The following TENM3 variants were observed in gnomAD, a reference collection of about 807,000 sequenced individuals.
The protein encoded by TENM3 is teneurin-3.
TENM3 carries 63 observed loss-of-function variants against 255.1 expected under a neutral mutation model. The observed-to-expected ratio is 0.25, with a 90% CI of 0.20 to 0.30. The LOEUF is 0.30. Ranked by LOEUF, TENM3 falls within the 10% of genes least tolerant of loss-of-function variation. TENM3 has a pLI of 1.00. For missense variants in TENM3, 2,929 were observed against 3,461.1 expected (o/e 0.85, Z 3.86); for synonymous variants, 1,306 against 1,322.3 (o/e 0.99, Z 0.27).
chr4:181,545,407 G>A, the TENM3 span, among the ~76,000 whole-genome samples: 1 of 152,070 alleles, frequency 6.6e-6, no homozygotes, highest in Admixed American at 6.6e-5. Flanking sequence ...CCTCAAGTTG[G>A]GGTTCCATCA....
chr4:182,452,543 G>A (rs1453147094), intron 3 of TENM3, among the ~76,000 whole-genome samples: 1 of 152,112 alleles, frequency 6.6e-6, no homozygotes, highest in African/African-American at 2.4e-5. Context: ...AGGAGCAGGC[G>A]GGTTCCCAAA....
the TENM3 span, among the ~76,000 whole-genome samples, chr4:181,635,312 A>G: frequency 6.6e-6 from 1 of 152,224 alleles, no homozygotes; most frequent in Admixed American, 6.5e-5. Flanking sequence ...CTCTGCAGTG[A>G]AAATAAACAC....
chr4:182,243,946 C>CTTTTTTTTTTTT (rs967487689), intron 1 of TENM3, among the ~76,000 whole-genome samples: 94 of 72,898 alleles, frequency 1.3e-3, no homozygotes, highest in Non-Finnish European at 1.6e-3. Flanking sequence ...TTTGTGTTTT[C>CTTTTTTTTTTTT]TTTTTTTTTT....
chr4:181,843,620 A>G, the TENM3 span, among the ~76,000 whole-genome samples: 1 of 151,770 alleles, frequency 6.6e-6, no homozygotes, highest in Non-Finnish European at 1.5e-5. Flanking sequence ...AGAACACCGG[A>G]GACTGGGTAG....
At chr4:182,763,835 G>GTTA (rs568982781) in intron 22 of TENM3, among the ~76,000 whole-genome samples, 296 of 152,276 alleles carry the variant, frequency 1.9e-3, no homozygotes, top group African/African-American at 6.8e-3. Flanking sequence ...TTATGCAGTG[G>GTTA]TTATTTATAA....
chr4:182,094,871 T>C, the TENM3 span, among the ~76,000 whole-genome samples: 2 of 144,420 alleles, frequency 1.4e-5, no homozygotes, highest in Non-Finnish European at 3.0e-5. Context: ...ATTTCAGAAA[T>C]GAAGACTAAA....
chr4:182,555,333 A>G (rs925513706), intron 3 of TENM3, among the ~76,000 whole-genome samples: 1 of 152,188 alleles, frequency 6.6e-6, no homozygotes, highest in African/African-American at 2.4e-5. Flanking sequence ...TCCTCCATGA[A>G]CTGTAATACT....
At chr4:181,601,404 C>A in the TENM3 span, among the ~76,000 whole-genome samples, 1 of 152,122 alleles carries the variant, frequency 6.6e-6, no homozygotes, top group East Asian at 1.9e-4. Context: ...AGTCCAAGGT[C>A]AAGAAGCTGA....
At chr4:182,561,790 G>A (rs1488925204) in intron 3 of TENM3, among the ~76,000 whole-genome samples, 2 of 152,022 alleles carry the variant, frequency 1.3e-5, no homozygotes, top group East Asian at 3.9e-4. Flanking sequence ...AATTCATGCT[G>A]TGTCATAATA....
At chr4:181,742,181 A>C in the TENM3 span, among the ~76,000 whole-genome samples, 1 of 152,182 alleles carries the variant, frequency 6.6e-6, no homozygotes, top group African/African-American at 2.4e-5. Flanking sequence ...TAAAAAAAAC[A>C]GAAATATATA....
rs1382566948 is a variant in TENM3, at chr4:182,706,952, C to G, written c.2222-7135C>G. ...CCAGCCTGGGTGACAGAGTGAGACC[C>G]TGTATCCAAAAAAAAAAAAACAAAA... On this transcript the variant is annotated intron_variant, in intron 12 of 27. Coordinates refer to ENST00000511685, the MANE Select transcript of TENM3 (RefSeq NM_001080477.4). Among the ~76,000 whole-genome samples the G allele has an allele frequency of 2.0e-5, 3 of 148,050 alleles. No homozygotes were observed. The East Asian group carries it at 6.0e-4, about 30-fold the overall frequency.
intron 6 of TENM3, among the ~76,000 whole-genome samples, chr4:182,663,568 A>G (rs1235358884): frequency 2.6e-5 from 4 of 152,222 alleles, no homozygotes; most frequent in Admixed American, 1.3e-4. Context: ...AATAGTTTGT[A>G]TATTCATAGA....
the TENM3 span, among the ~76,000 whole-genome samples, chr4:181,541,960 T>C: frequency 6.6e-6 from 1 of 152,184 alleles, no homozygotes; most frequent in South Asian, 2.1e-4. Flanking sequence ...TGGGTGCTCA[T>C]GGAAAGATGC....
intron 6 of TENM3, among the ~76,000 whole-genome samples, chr4:182,658,279 G>A (rs1347407955): frequency 6.6e-6 from 1 of 152,060 alleles, no homozygotes; most frequent in Non-Finnish European, 1.5e-5. Context: ...TGACTGTTTT[G>A]GCAATGATGT....
At chr4:182,439,662 A>G (rs1772312774) in intron 3 of TENM3, among the ~76,000 whole-genome samples, 1 of 152,186 alleles carries the variant, frequency 6.6e-6, no homozygotes, top group Non-Finnish European at 1.5e-5. Flanking sequence ...TTGGTTTTCA[A>G]TACCCATTAC....
At chr4:181,559,325 G>A in the TENM3 span, among the ~76,000 whole-genome samples, 926 of 152,222 alleles carry the variant, frequency 6.1e-3, 7 homozygotes, top group African/African-American at 0.021. Context: ...TGTGTATACC[G>A]ACCCACAATG....
At chr4:181,701,643 A>G in the TENM3 span, among the ~76,000 whole-genome samples, 1 of 152,164 alleles carries the variant, frequency 6.6e-6, no homozygotes, top group Non-Finnish European at 1.5e-5. Context: ...GCACGAAACA[A>G]AATGCTTGCC....
At chr4:181,669,784 C>T in the TENM3 span, among the ~76,000 whole-genome samples, 12 of 152,088 alleles carry the variant, frequency 7.9e-5, no homozygotes, top group African/African-American at 1.9e-4. Flanking sequence ...TGGGGTCCAC[C>T]GATGAAGCCC....
chr4:181,628,942 C>G, the TENM3 span, among the ~76,000 whole-genome samples: 1 of 152,116 alleles, frequency 6.6e-6, no homozygotes, highest in Admixed American at 6.6e-5. Flanking sequence ...GCCATTTTCA[C>G]GATATTGATT....
Sources: allele counts gnomAD v4.1 joint callset (sites outside exome capture counted in the v4.1 genomes callset), GRCh38; gene constraint gnomAD v4.1.1; transcripts MANE v1.5; gene names NCBI Gene and HGNC (gene_info 2026-07-23, HGNC 2026-07-21).